Variants in TRIP12 observed in about 807,000 individuals in gnomAD.
TRIP12 encodes the protein thyroid hormone receptor interactor 12.
A neutral mutation model predicts 244.2 loss-of-function variants in TRIP12; 25 were observed. That is an observed-to-expected ratio of 0.10 (90% CI 0.07 to 0.14). The LOEUF (loss-of-function observed/expected upper bound fraction) is 0.14. TRIP12 is among the 10% of genes least tolerant of loss of function. The pLI, the probability that TRIP12 is intolerant of heterozygous loss-of-function variation, is 1.00. For synonymous variants in TRIP12, 905 were observed against 873.1 expected (o/e 1.04, Z -0.64); for missense variants, 1,677 against 2,486.4 (o/e 0.67, Z 6.92).
intron 6 of TRIP12, 93 bp from the exon 7 acceptor site, chr2:229,830,932 A>C: frequency 9.4e-7 from 1 of 1,061,566 alleles, no homozygotes; most frequent in Non-Finnish European, 1.4e-6. Context: ...TGCGGACTAC[A>C]ATTGAATAAA....
chr2:229,851,112 C>G (rs564428867), intron 4 of TRIP12, among the ~76,000 whole-genome samples: 1 of 152,188 alleles, frequency 6.6e-6, no homozygotes, highest in Non-Finnish European at 1.5e-5. Context: ...GCACATGGCG[C>G]GGGACCGGCA....
chr2:229,791,893 C>G lies in TRIP12; in HGVS notation c.4388G>C (p.Gly1463Ala), dbSNP rs762494296. The G allele has an allele frequency of 6.2e-7, 1 of 1,614,000 alleles. No individual in the cohort carries two copies. Among genetic ancestry groups the G allele is most frequent in the Non-Finnish European group, 8.5e-7 (1 of 1,179,932 alleles). The change falls in exon 29 of 42, where the codon GGT becomes GCT. Residue 1463 changes from glycine to alanine, a missense_variant. Gly to Ala is a moderately conservative substitution (Grantham distance 60, BLOSUM62 0). Coordinates refer to ENST00000675903, the MANE Select transcript of TRIP12 (RefSeq NM_001348323.3). ...TATTGTATGAGTCTTTGTCCAAATA[C>G]CAGCTCTGCCTAGAGGATTGCTCTC... ...DDESNPLGRA[G>A]IWTKTHTIWY...
chr2:229,804,445 G>C (rs1316324572), intron 18 of TRIP12, among the ~76,000 whole-genome samples: 1 of 152,148 alleles, frequency 6.6e-6, no homozygotes, highest in Non-Finnish European at 1.5e-5. Flanking sequence ...TAGAAAACTA[G>C]TGACCCATTG....
intron 1 of TRIP12, among the ~76,000 whole-genome samples, chr2:229,906,487 C>T (rs960375506): frequency 1.3e-5 from 2 of 150,724 alleles, no homozygotes; most frequent in Admixed American, 6.6e-5. Flanking sequence ...TTTAAGAGGC[C>T]GAGGCGGGTG....
At chr2:229,796,906 T>G (rs2042950049) in intron 24 of TRIP12, 124 bp from the exon 25 acceptor site, 1 of 736,462 alleles carries the variant, frequency 1.4e-6, no homozygotes, top group Admixed American at 3.6e-5. Context: ...GGCAGGGGAG[T>G]GGTACAGTCT....
At chr2:229,832,433 TAGAG>T (rs1372161568) in intron 6 of TRIP12, among the ~76,000 whole-genome samples, 2 of 152,128 alleles carry the variant, frequency 1.3e-5, no homozygotes, top group African/African-American at 2.4e-5. Flanking sequence ...TTTAGAGCCA[TAGAG>T]AGACAGATTA....
intron 1 of TRIP12, among the ~76,000 whole-genome samples, chr2:229,915,692 T>TA (rs11291133): frequency 1.6e-4 from 24 of 146,598 alleles, no homozygotes; most frequent in East Asian, 9.9e-4. Flanking sequence ...TATTGTATAC[T>TA]AAAAAAAAAA....
At chr2:229,788,712 G>A (rs2040691113) in intron 32 of TRIP12, 86 bp downstream of exon 32, 1 of 1,512,974 alleles carries the variant, frequency 6.6e-7, no homozygotes, top group Non-Finnish European at 9.0e-7. Context: ...ACTAGGTCCA[G>A]TAAAGACAAT....
chr2:229,921,831 C>T (rs2076650423), intron 1 of TRIP12, 49 bp downstream of exon 1: 1 of 126,216 alleles, frequency 7.9e-6, no homozygotes, highest in Non-Finnish European at 1.7e-5. Context: ...CTCAGCTGGC[C>T]CCCTCCCCCA....
chr2:229,830,585 C>G (rs2053085349), intron 7 of TRIP12, among the ~76,000 whole-genome samples, 171 bp downstream of exon 7: 1 of 152,148 alleles, frequency 6.6e-6, no homozygotes, highest in Non-Finnish European at 1.5e-5. Flanking sequence ...GCGGACAGCT[C>G]ATCTTCCAAT....
intron 1 of TRIP12, among the ~76,000 whole-genome samples, chr2:229,912,418 G>A (rs781738522): frequency 2.6e-5 from 4 of 151,922 alleles, no homozygotes; most frequent in Non-Finnish European, 4.4e-5. Flanking sequence ...ATCTAATTCC[G>A]TGATCTCCCA....
chr2:229,806,514 A>T (rs1367595808), intron 17 of TRIP12, among the ~76,000 whole-genome samples: 1 of 152,200 alleles, frequency 6.6e-6, no homozygotes, highest in Non-Finnish European at 1.5e-5. Context: ...CAATCTATGG[A>T]ACTCCTAGGC....
intron 1 of TRIP12, among the ~76,000 whole-genome samples, chr2:229,903,508 G>C (rs974938398): frequency 1.3e-5 from 2 of 152,008 alleles, no homozygotes; most frequent in Non-Finnish European, 2.9e-5. Context: ...AGAGCAAGTA[G>C]AAGGCAAGAA....
chr2:229,780,687 G>A (rs1040565094), intron 34 of TRIP12, among the ~76,000 whole-genome samples: 4 of 152,164 alleles, frequency 2.6e-5, no homozygotes, highest in African/African-American at 9.6e-5. Flanking sequence ...CAGACGCAAT[G>A]ACTTGCCTCC....
At chr2:229,837,787 A>T (rs899171050) in intron 5 of TRIP12, among the ~76,000 whole-genome samples, 1 of 152,214 alleles carries the variant, frequency 6.6e-6, no homozygotes, top group South Asian at 2.1e-4. Context: ...TATGGATTTA[A>T]TATTATTAAT....
intron 34 of TRIP12, among the ~76,000 whole-genome samples, chr2:229,782,477 G>A (rs546186439): frequency 6.6e-6 from 1 of 152,164 alleles, no homozygotes; most frequent in South Asian, 2.1e-4. Flanking sequence ...TCATTCAGTT[G>A]GCACCTGTAC....
rs368011081 is a variant in TRIP12, at chr2:229,768,333, T to C, written c.6007+283A>G. Among the ~76,000 whole-genome samples the C allele has an allele frequency of 2.6e-5, 4 of 152,242 alleles. No homozygotes were observed. The East Asian group carries it at 5.8e-4, about 22-fold the overall frequency. On this transcript the variant is annotated intron_variant, in intron 41 of 41. Coordinates refer to ENST00000675903, the MANE Select transcript of TRIP12 (RefSeq NM_001348323.3). The stretch of plus-strand genomic sequence containing the variant: ...GGATTCAATCTGAAAAACCAGATTT[T>C]AGAATCCATTCTCATCTAAGTCAAC...
intron 1 of TRIP12, among the ~76,000 whole-genome samples, chr2:229,884,526 T>G (rs2065595596): frequency 6.6e-6 from 1 of 152,120 alleles, no homozygotes; most frequent in African/African-American, 2.4e-5. Flanking sequence ...CGTGGACCAC[T>G]GCCTGTGCCT....
At chr2:229,792,292 T>A (rs765000335) in intron 27 of TRIP12, 66 bp from the exon 28 acceptor site, 17 of 1,345,506 alleles carry the variant, frequency 1.3e-5, no homozygotes, top group Non-Finnish European at 1.6e-5. Context: ...AAATCCTGTA[T>A]ACACACTGGT....
Sources: gnomAD v4.1 joint callset for allele counts (sites outside exome capture counted in the v4.1 genomes callset) on GRCh38, gnomAD v4.1.1 for gene constraint, MANE v1.5 for transcripts, NCBI Gene and HGNC (gene_info 2026-07-23, HGNC 2026-07-21) for gene names.